ELK4: variants seen among roughly 807,000 people sequenced by gnomAD.
ELK4 encodes ETS transcription factor ELK4.
ELK4 carries 16 observed loss-of-function variants against 29.6 expected under a neutral mutation model. That is an observed-to-expected ratio of 0.54 (90% CI 0.37 to 0.82). ELK4 has a LOEUF of 0.82. ELK4 is among the 40% of genes least tolerant of loss of function. The pLI, the probability that ELK4 is intolerant of heterozygous loss-of-function variation, is 0.00. For missense variants in ELK4, 465 were observed against 507.1 expected, an observed-to-expected ratio of 0.92 and a Z score of 0.80; for synonymous variants, 213 against 191.1, an observed-to-expected ratio of 1.11 and a Z score of -0.95.
chr1:205,613,800 C>A lies in ELK4; in HGVS notation c.*2746G>T. The A allele has an allele frequency of 4.9e-6, 1 of 205,684 alleles. No homozygotes were observed. Among genetic ancestry groups the A allele is most frequent in the Non-Finnish European group, 9.9e-6 (1 of 100,632 alleles). 12.7% of individuals were successfully genotyped at this position (205,684 alleles called of 1,614,324 possible). ...AACCCCATTCAATCTGCTCCCCTTC[C>A]GTAACTTAGGCTACTGCTGCCCAAC... is the stretch of plus-strand genomic sequence containing the variant. On this transcript the variant is annotated 3_prime_UTR_variant, in exon 5 of 5. Coordinates refer to ENST00000357992, the MANE Select transcript of ELK4 (RefSeq NM_001973.4).
intron 1 of ELK4, among the ~76,000 whole-genome samples, chr1:205,624,300 T>C (rs1290228322): frequency 6.6e-6 from 1 of 152,178 alleles, no homozygotes; most frequent in East Asian, 1.9e-4. Context: ...TAAAATCTCA[T>C]TGCTGTATTC....
chr1:205,615,230 A>C lies in ELK4; in HGVS notation c.*1316T>G, dbSNP rs1306726365. The C allele has an allele frequency of 1.2e-5, 2 of 166,070 alleles. No individual in the cohort carries two copies. The highest frequency in any genetic ancestry group is 2.6e-5 in the Non-Finnish European group (2 of 75,986). 10.3% of individuals were successfully genotyped at this position (166,070 alleles called of 1,614,324 possible). A position where few individuals can be genotyped will look rare whatever the true frequency, so the allele number is the denominator to read the frequency against. ...ACATGGTGAAACCCCGTCTCTACTA[A>C]AAATACAAAAATTAGCCAGGCGTAG... On this transcript the variant is annotated 3_prime_UTR_variant, in exon 5 of 5. Transcript: ENST00000357992.
chr1:205,619,548 A>G, intron 3 of ELK4: 1 of 1,138,432 alleles, frequency 8.8e-7, no homozygotes, highest in Non-Finnish European at 1.1e-6. Context: ...ATAAATAGCT[A>G]AAGTAACTGT....
In ELK4 at chr1:205,613,761, A is replaced by G. The variant is rs1302335034; in HGVS notation, c.*2785T>C. On this transcript the variant is annotated 3_prime_UTR_variant, in exon 5 of 5. Coordinates refer to ENST00000357992, the MANE Select transcript of ELK4 (RefSeq NM_001973.4). ...AGCAGAAGGAAAGCTAAGGTATCAG[A>G]GAAGATGTCTCAAAACCCCATTCAA... The G allele has an allele frequency of 5.0e-6, 1 of 199,378 alleles. No homozygotes were observed. Among genetic ancestry groups the G allele is most frequent in the Non-Finnish European group, 1.0e-5 (1 of 97,206 alleles). The allele number at this position is 199,378 out of a possible 1,614,324, so 12.4% of individuals were successfully genotyped here.
In ELK4 at chr1:205,623,877, G is replaced by A; in HGVS notation, c.6C>T (p.Asp2=). The change falls in exon 2 of 5, where the codon GAC becomes GAT. Residue 2 remains aspartate (D), a synonymous_variant. Transcript: ENST00000357992. ...GGAACTGCCACAGGGTGATAGCACT[G>A]TCCATAGCAATGAGCTGAAAGAATA... M[D]SAITLWQFLL... 6.2e-7 allele frequency: 1 copy of A among 1,614,094 alleles called. No homozygotes were observed. Among genetic ancestry groups the A allele is most frequent in the Non-Finnish European group, 8.5e-7 (1 of 1,179,974 alleles).
chr1:205,625,885 G>T, intron 1 of ELK4: 1 of 674,160 alleles, frequency 1.5e-6, no homozygotes, highest in Non-Finnish European at 2.7e-6. Context: ...CACCATGTTG[G>T]TCAGGCTGGT....
intron 2 of ELK4, among the ~76,000 whole-genome samples, 189 bp downstream of exon 2, chr1:205,623,487 G>C (rs952114204): frequency 9.9e-5 from 15 of 151,390 alleles, no homozygotes; most frequent in African/African-American, 3.6e-4. Flanking sequence ...CGTTTTTTTT[G>C]TATTTTTGGT....
At chr1:205,628,807 T>C (rs1330391744) in intron 1 of ELK4, among the ~76,000 whole-genome samples, 2 of 152,062 alleles carry the variant, frequency 1.3e-5, no homozygotes, top group Admixed American at 6.5e-5. Context: ...AACCGAGCTG[T>C]TGTGGAAAAT....
At chr1:205,631,329 T>C (rs1002225353) in intron 1 of ELK4, among the ~76,000 whole-genome samples, 13 of 152,096 alleles carry the variant, frequency 8.5e-5, no homozygotes, top group Admixed American at 2.6e-4. Context: ...TTCCTGTCAC[T>C]ACAGAAAATG....
In ELK4 at chr1:205,609,886, T is replaced by C. The variant is rs1446162931; in HGVS notation, c.*6660A>G. 2 of 227,908 alleles carry C rather than the reference T, an allele frequency of 8.8e-6. No individual in the cohort carries two copies. Among genetic ancestry groups the C allele is most frequent in the African/African-American group, 4.4e-5 (2 of 45,120 alleles). The allele number at this position is 227,908 out of a possible 1,614,324, so 14.1% of individuals were successfully genotyped here. A position where few individuals can be genotyped will look rare whatever the true frequency, so the allele number is the denominator to read the frequency against. The stretch of plus-strand genomic sequence containing the variant: ...GAGCCTAGAAGAATGGCTCATTAGG[T>C]AACCCATTTATCCCTTCTACAAACA... On this transcript the variant is annotated 3_prime_UTR_variant, in exon 5 of 5. Transcript: ENST00000357992.
intron 2 of ELK4, among the ~76,000 whole-genome samples, chr1:205,621,209 A>G (rs1253363834): frequency 2.0e-5 from 3 of 151,090 alleles, no homozygotes; most frequent in Non-Finnish European, 3.0e-5. Flanking sequence ...AAAAAAAAAA[A>G]AAAAAAAAAA....
chr1:205,631,186 G>T (rs1670576919), intron 1 of ELK4, among the ~76,000 whole-genome samples: 1 of 152,220 alleles, frequency 6.6e-6, no homozygotes, highest in Admixed American at 6.5e-5. Context: ...GACACCGGAT[G>T]ACTAGCGAGC....
chr1:205,619,505 T>C (rs1414999923), intron 3 of ELK4: 3 of 1,088,420 alleles, frequency 2.8e-6, no homozygotes, highest in Non-Finnish European at 3.3e-6. Flanking sequence ...GTGTGAAAAA[T>C]CTACTAAAAT....
chr1:205,611,041 C>A lies in ELK4; in HGVS notation c.*5505G>T. On this transcript the variant is annotated 3_prime_UTR_variant, in exon 5 of 5. Transcript: ENST00000357992. ...TCCTTTAAAATTATGTCAACAACAG[C>A]ATGAATTTCCTGTTTTCTGTAGAAA... 4.6e-6 allele frequency: 1 copy of A among 218,908 alleles called. No homozygotes were observed. Among genetic ancestry groups the A allele is most frequent in the Non-Finnish European group, 9.2e-6 (1 of 109,006 alleles). 13.6% of individuals were successfully genotyped at this position (218,908 alleles called of 1,614,324 possible). A position where few individuals can be genotyped will look rare whatever the true frequency, so the allele number is the denominator to read the frequency against.
chr1:205,619,463 C>G (rs538828632), intron 3 of ELK4: 4 of 1,066,042 alleles, frequency 3.8e-6, no homozygotes, highest in Non-Finnish European at 4.5e-6. Flanking sequence ...AACCAAGACA[C>G]CAGCATGTTT....
intron 4 of ELK4, among the ~76,000 whole-genome samples, chr1:205,618,516 A>C (rs1333875247): frequency 6.6e-6 from 1 of 152,242 alleles, no homozygotes; most frequent in Non-Finnish European, 1.5e-5. Flanking sequence ...TGGAAATTCA[A>C]AAATAAATCT....
At position 205,613,946 on chromosome 1, in the gene ELK4, T is replaced by C; in HGVS notation, c.*2600A>G. 1 of 220,870 alleles carries C rather than the reference T, an allele frequency of 4.5e-6. No individual in the cohort carries two copies. Among genetic ancestry groups the C allele is most frequent in the Non-Finnish European group, 9.1e-6 (1 of 110,168 alleles). The allele number at this position is 220,870 out of a possible 1,614,324, so 13.7% of individuals were successfully genotyped here. A position where few individuals can be genotyped will look rare whatever the true frequency, so the allele number is the denominator to read the frequency against. On this transcript the variant is annotated 3_prime_UTR_variant, in exon 5 of 5. Transcript: ENST00000357992. The stretch of plus-strand genomic sequence containing the variant: ...CCTTTCACACTAAGAATTCTGCATA[T>C]ATTCAACAGAATATGAAGCTGAGAC...
At chr1:205,616,721 G>A in intron 4 of ELK4, 77 bp from the exon 5 acceptor site, 1 of 1,251,332 alleles carries the variant, frequency 8.0e-7, no homozygotes, top group Non-Finnish European at 1.1e-6. Context: ...TCTATTACCT[G>A]AGGCAAAACA....
chr1:205,612,087 G>T lies in ELK4; in HGVS notation c.*4459C>A, dbSNP rs1049508901. The T allele has an allele frequency of 5.1e-6, 1 of 194,246 alleles. No individual in the cohort carries two copies. 12.0% of individuals were successfully genotyped at this position (194,246 alleles called of 1,614,324 possible). ...AAAATAGAGTCATACCTAACATGAA[G>T]ATAAGAGACAACAGGCTGACGAAAG... is the stretch of plus-strand genomic sequence containing the variant. On this transcript the variant is annotated 3_prime_UTR_variant, in exon 5 of 5. Transcript: ENST00000357992.
Sources: allele counts gnomAD v4.1 joint callset (sites outside exome capture counted in the v4.1 genomes callset), GRCh38; gene constraint gnomAD v4.1.1; transcripts MANE v1.5; gene names NCBI Gene and HGNC (gene_info 2026-07-23, HGNC 2026-07-21).